Variants in SAMD12 observed in about 807,000 individuals in gnomAD.
The protein encoded by SAMD12 is sterile alpha motif domain-containing protein 12.
Under a neutral mutation model 15.0 loss-of-function variants are expected in SAMD12, and 9 were observed. That is an observed-to-expected ratio of 0.60 (90% CI 0.36 to 1.05). The LOEUF (loss-of-function observed/expected upper bound fraction) is 1.05. Ranked by LOEUF, SAMD12 falls within the 50% of genes least tolerant of loss-of-function variation. The pLI is 0.01. For missense variants in SAMD12, 230 were observed against 234.2 expected (o/e 0.98, Z 0.12); for synonymous variants, 86 against 90.1 (o/e 0.96, Z 0.25).
chr8:118,435,215 T>C (rs570263937), intron 3 of SAMD12, among the ~76,000 whole-genome samples: 3 of 152,170 alleles, frequency 2.0e-5, no homozygotes, highest in Admixed American at 6.5e-5. Flanking sequence ...TGGTCAATTG[T>C]GGTCTGAAAA....
chr8:118,165,828 T>C, the SAMD12 span, among the ~76,000 whole-genome samples: 2 of 151,932 alleles, frequency 1.3e-5, no homozygotes, highest in Admixed American at 6.6e-5. Context: ...ATAAATAACA[T>C]GGTTGAGTCC....
chr8:118,485,913 G>A (rs551353909), intron 2 of SAMD12, among the ~76,000 whole-genome samples: 34 of 152,250 alleles, frequency 2.2e-4, no homozygotes, highest in Non-Finnish European at 3.8e-4. Flanking sequence ...TATCAGTCAG[G>A]GTCCTGGCAG....
At chr8:118,425,153 T>G (rs535006953) in intron 3 of SAMD12, among the ~76,000 whole-genome samples, 3 of 152,082 alleles carry the variant, frequency 2.0e-5, no homozygotes, top group Non-Finnish European at 4.4e-5. Flanking sequence ...TTAGCCAGGA[T>G]GGTCTCAATT....
At chr8:118,245,925 C>T (rs1812680550) in intron 4 of SAMD12, among the ~76,000 whole-genome samples, 2 of 152,096 alleles carry the variant, frequency 1.3e-5, no homozygotes, top group Non-Finnish European at 1.5e-5. Context: ...CAGAAGGATT[C>T]ATTTACAAGA....
At chr8:118,158,250 A>G in the SAMD12 span, among the ~76,000 whole-genome samples, 2 of 152,264 alleles carry the variant, frequency 1.3e-5, no homozygotes, top group Admixed American at 1.3e-4. Context: ...CAAAAGGATT[A>G]GAGGAAACAG....
At chr8:118,257,076 C>A (rs1489788716) in intron 4 of SAMD12, among the ~76,000 whole-genome samples, 2 of 152,028 alleles carry the variant, frequency 1.3e-5, no homozygotes, top group Non-Finnish European at 2.9e-5. Flanking sequence ...CATACCAGAC[C>A]CTGCAGGCAT....
At chr8:118,427,343 C>T (rs929849321) in intron 3 of SAMD12, among the ~76,000 whole-genome samples, 1 of 152,158 alleles carries the variant, frequency 6.6e-6, no homozygotes, top group African/African-American at 2.4e-5. Context: ...ACAAACTTTA[C>T]TGAGACATAA....
chr8:118,298,868 T>C (rs888363998), intron 4 of SAMD12, among the ~76,000 whole-genome samples: 2 of 152,178 alleles, frequency 1.3e-5, no homozygotes, highest in Non-Finnish European at 2.9e-5. Context: ...ATTTGAACAG[T>C]AGTTGGTATT....
At chr8:118,356,047 C>T (rs578071906) in intron 4 of SAMD12, among the ~76,000 whole-genome samples, 5 of 152,324 alleles carry the variant, frequency 3.3e-5, no homozygotes, top group South Asian at 4.1e-4. Context: ...CCGCAAAGAA[C>T]GTGTTCTTAG....
intron 2 of SAMD12, among the ~76,000 whole-genome samples, chr8:118,476,122 T>G (rs1403043324): frequency 6.6e-6 from 1 of 152,180 alleles, no homozygotes; most frequent in Non-Finnish European, 1.5e-5. Context: ...AAGAGAATTG[T>G]GACTTATCAC....
intron 3 of SAMD12, among the ~76,000 whole-genome samples, chr8:118,391,520 A>G (rs1050242778): frequency 2.0e-5 from 3 of 152,216 alleles, no homozygotes; most frequent in Admixed American, 2.0e-4. Flanking sequence ...CTTTGTGGTC[A>G]TAACAACTAA....
At chr8:118,165,097 T>C in the SAMD12 span, among the ~76,000 whole-genome samples, 3 of 151,866 alleles carry the variant, frequency 2.0e-5, no homozygotes, top group Non-Finnish European at 2.9e-5. Context: ...TAGCATTAGA[T>C]CCCACAGGTT....
chr8:118,597,618 G>A (rs151033572), intron 1 of SAMD12, among the ~76,000 whole-genome samples: 24 of 152,318 alleles, frequency 1.6e-4, no homozygotes, highest in African/African-American at 5.3e-4. Flanking sequence ...CAGCTGGTGC[G>A]AGAGGAGTTG....
chr8:118,360,000 G>A (rs1169756542), intron 4 of SAMD12, among the ~76,000 whole-genome samples: 2 of 152,060 alleles, frequency 1.3e-5, no homozygotes, highest in African/African-American at 2.4e-5. Flanking sequence ...AATACTCTAC[G>A]AGCTGACCTT....
chr8:118,384,705 G>C (rs1310552930), intron 3 of SAMD12, among the ~76,000 whole-genome samples: 1 of 152,082 alleles, frequency 6.6e-6, no homozygotes, highest in Non-Finnish European at 1.5e-5. Context: ...AGAGCACTTG[G>C]GATATGCAGA....
chr8:118,398,176 C>T (rs1357050094), intron 3 of SAMD12, among the ~76,000 whole-genome samples: 2 of 152,140 alleles, frequency 1.3e-5, no homozygotes, highest in Non-Finnish European at 2.9e-5. Context: ...CCGGGCAGAT[C>T]ATTTGAGGTC....
intron 3 of SAMD12, among the ~76,000 whole-genome samples, chr8:118,410,371 T>C (rs10282806): frequency 0.41 from 62,230 of 152,078 alleles, 14,780 homozygotes; most frequent in African/African-American, 0.63. Context: ...GGAATATTAC[T>C]TGCATTAATG....
At chr8:118,450,334 G>A (rs1823041608) in intron 2 of SAMD12, among the ~76,000 whole-genome samples, 2 of 152,156 alleles carry the variant, frequency 1.3e-5, no homozygotes, top group South Asian at 4.1e-4. Context: ...CTTCCTATCA[G>A]CCCAGAATGC....
chr8:118,373,985 T>A (rs183098247), downstream of SAMD12, among the ~76,000 whole-genome samples: 841 of 149,034 alleles, frequency 5.6e-3, 1 homozygote, highest in South Asian at 0.011. Context: ...GGCTAGCAAT[T>A]TTTTTTTTAC....
Sources: gnomAD v4.1 joint callset for allele counts (sites outside exome capture counted in the v4.1 genomes callset) on GRCh38, gnomAD v4.1.1 for gene constraint, MANE v1.5 for transcripts, NCBI Gene and HGNC (gene_info 2026-07-23, HGNC 2026-07-21) for gene names.